The following GALNT17 variants were observed in gnomAD, a reference collection of about 807,000 sequenced individuals.
GALNT17 encodes the protein polypeptide N-acetylgalactosaminyltransferase 17, also known as UDP-GalNAc:polypeptide N-acetylgalactosaminyltransferase-like 3.
In GALNT17, 29 loss-of-function variants were observed where a neutral mutation model predicts 63.7. The ratio of observed to expected loss-of-function variants is 0.46; its 90% CI spans 0.34 to 0.62. The LOEUF (loss-of-function observed/expected upper bound fraction) is 0.62, where lower values mean the gene tolerates loss of function less well. Ranked by LOEUF, GALNT17 falls within the 20% of genes least tolerant of loss-of-function variation. The probability of loss-of-function intolerance (pLI) is 0.01; values close to 1 mark genes in which losing one functional copy is unlikely to be tolerated. For missense variants in GALNT17, 603 were observed against 799.6 expected (o/e 0.75, Z 2.97); for synonymous variants, 305 against 318.3 (o/e 0.96, Z 0.45).
chr7:71,334,461 G>A (rs1288958658), intron 1 of GALNT17, among the ~76,000 whole-genome samples: 1 of 152,128 alleles, frequency 6.6e-6, no homozygotes, highest in Non-Finnish European at 1.5e-5. Flanking sequence ...TGGTGTGTGT[G>A]TGTGTGATTG....
chr7:71,415,821 T>C (rs370286635), intron 3 of GALNT17, 68 bp from the exon 4 acceptor site: 1 of 1,459,182 alleles, frequency 6.9e-7, no homozygotes. Flanking sequence ...CTGTGGGCAT[T>C]GCAGTGGGTT....
intron 5 of GALNT17, among the ~76,000 whole-genome samples, chr7:71,564,246 G>A (rs903971337): frequency 6.7e-6 from 1 of 149,266 alleles, no homozygotes; most frequent in East Asian, 2.0e-4. Flanking sequence ...ATCGTGACGG[G>A]CAATTTTCTT....
chr7:71,345,147 G>GTTTTTTTTTTTTTTT (rs67919212), intron 2 of GALNT17, among the ~76,000 whole-genome samples: 3 of 139,450 alleles, frequency 2.2e-5, no homozygotes, highest in African/African-American at 2.6e-5. Flanking sequence ...GTTGTTTTTT[G>GTTTTTTTTTTTTTTT]TTTTTTTTTT....
chr7:71,638,670 T>A (rs1790562185), intron 6 of GALNT17, among the ~76,000 whole-genome samples: 2 of 152,214 alleles, frequency 1.3e-5, no homozygotes, highest in South Asian at 4.1e-4. Flanking sequence ...AGTGTAGGTT[T>A]ATCAAGGTCT....
intron 1 of GALNT17, among the ~76,000 whole-genome samples, chr7:71,133,846 C>T (rs910648041): frequency 6.6e-5 from 10 of 152,292 alleles, no homozygotes; most frequent in African/African-American, 2.4e-4. Flanking sequence ...GTGTTACCTA[C>T]CTGAGTACAG....
At chr7:71,230,570 C>T (rs1299048747) in intron 1 of GALNT17, among the ~76,000 whole-genome samples, 1 of 152,122 alleles carries the variant, frequency 6.6e-6, no homozygotes, top group African/African-American at 2.4e-5. Context: ...CAGAGGAGGC[C>T]GGCATGGTGA....
At chr7:71,252,444 G>C (rs1583800278) in intron 1 of GALNT17, among the ~76,000 whole-genome samples, 1 of 152,254 alleles carries the variant, frequency 6.6e-6, no homozygotes, top group East Asian at 1.9e-4. Context: ...AGAATCTCTT[G>C]AACATGAGAG....
At chr7:71,676,996 C>CAG (rs1791160499) in intron 8 of GALNT17, among the ~76,000 whole-genome samples, 1 of 152,156 alleles carries the variant, frequency 6.6e-6, no homozygotes, top group Non-Finnish European at 1.5e-5. Context: ...CTGCCCAGGA[C>CAG]ACAGTCAGAG....
intron 3 of GALNT17, among the ~76,000 whole-genome samples, chr7:71,409,013 C>A (rs2906263): frequency 2.2e-3 from 236 of 108,030 alleles, no homozygotes; most frequent in African/African-American, 9.7e-3. Flanking sequence ...TATGCACATA[C>A]ACAAACACAC....
At chr7:71,663,472 C>T (rs1306303207) in intron 6 of GALNT17, among the ~76,000 whole-genome samples, 1 of 152,152 alleles carries the variant, frequency 6.6e-6, no homozygotes, top group Admixed American at 6.5e-5. Context: ...AGGCCCTTTG[C>T]CAACATTTGG....
intron 1 of GALNT17, among the ~76,000 whole-genome samples, chr7:71,148,860 TTATATATATATATATATATATATA>T (rs59163644): frequency 9.7e-6 from 1 of 103,270 alleles, no homozygotes; most frequent in Non-Finnish European, 1.9e-5. Context: ...TATGGTATTT[TTATATATATATATATATATATATA>T]TATATATATG....
At chr7:71,400,887 G>A (rs1793227378) in intron 3 of GALNT17, among the ~76,000 whole-genome samples, 1 of 152,144 alleles carries the variant, frequency 6.6e-6, no homozygotes, top group Non-Finnish European at 1.5e-5. Context: ...ATTAAGAATG[G>A]GATATGCTAA....
intron 5 of GALNT17, among the ~76,000 whole-genome samples, chr7:71,561,823 G>A (rs189559548): frequency 6.8e-4 from 103 of 152,232 alleles, no homozygotes; most frequent in African/African-American, 2.3e-3. Flanking sequence ...GCATCCAAGC[G>A]GGAGAATGTC....
At chr7:71,579,825 A>G (rs1789603687) in intron 6 of GALNT17, among the ~76,000 whole-genome samples, 1 of 152,106 alleles carries the variant, frequency 6.6e-6, no homozygotes, top group Non-Finnish European at 1.5e-5. Flanking sequence ...GACATTTTAG[A>G]TAGGTAGGTT....
intron 5 of GALNT17, among the ~76,000 whole-genome samples, chr7:71,441,661 C>T (rs774708711): frequency 5.9e-5 from 9 of 152,022 alleles, no homozygotes; most frequent in African/African-American, 1.9e-4. Flanking sequence ...GACATGTCCC[C>T]GTGTGTGATG....
At chr7:71,382,296 C>T (rs1221692283) in intron 2 of GALNT17, among the ~76,000 whole-genome samples, 1 of 152,028 alleles carries the variant, frequency 6.6e-6, no homozygotes, top group Admixed American at 6.6e-5. Flanking sequence ...AGAAGAATCG[C>T]TTGAACCCAG....
intron 1 of GALNT17, among the ~76,000 whole-genome samples, chr7:71,321,470 G>A (rs941703816): frequency 1.3e-5 from 2 of 152,174 alleles, no homozygotes; most frequent in African/African-American, 4.8e-5. Flanking sequence ...TGAGATCCTC[G>A]CCATCACAGT....
intron 6 of GALNT17, among the ~76,000 whole-genome samples, chr7:71,620,484 T>C (rs934708943): frequency 1.3e-5 from 2 of 152,152 alleles, no homozygotes; most frequent in Non-Finnish European, 2.9e-5. Flanking sequence ...TTCTAATAAA[T>C]TAAAAAATTA....
At chr7:71,297,890 A>G (rs772396582) in intron 1 of GALNT17, among the ~76,000 whole-genome samples, 2 of 152,188 alleles carry the variant, frequency 1.3e-5, no homozygotes, top group Non-Finnish European at 2.9e-5. Flanking sequence ...GGCAAACATC[A>G]TCTCTGGGGT....
Sources: allele counts gnomAD v4.1 joint callset (sites outside exome capture counted in the v4.1 genomes callset), GRCh38; gene constraint gnomAD v4.1.1; transcripts MANE v1.5; gene names NCBI Gene and HGNC (gene_info 2026-07-23, HGNC 2026-07-21).